Variants in MC2R observed in about 807,000 individuals in gnomAD.
MC2R encodes the protein melanocortin 2 receptor.
MC2R carries 9 observed loss-of-function variants against 9.8 expected under a neutral mutation model. The observed-to-expected ratio is 0.92, with a 90% CI of 0.55 to 1.60. MC2R has a LOEUF of 1.60. Among genes scored for constraint, MC2R ranks in the 40% most tolerant of loss-of-function variants. The pLI, the probability that MC2R is intolerant of heterozygous loss-of-function variation, is 0.00. For missense variants in MC2R, 370 were observed against 389.0 expected, an observed-to-expected ratio of 0.95 and a Z score of 0.41; for synonymous variants, 185 against 154.7, an observed-to-expected ratio of 1.20 and a Z score of -1.45.
At chr18:13,911,970 C>T (rs1908856873) in intron 1 of MC2R, among the ~76,000 whole-genome samples, 1 of 152,062 alleles carries the variant, frequency 6.6e-6, no homozygotes, top group African/African-American at 2.4e-5. Context: ...TGGTCACTTG[C>T]AAATTGGGGT....
rs528088175 is a variant in MC2R at position 13,912,316 on chromosome 18, G to A, written c.-129+3172C>T. 1.1e-4 allele frequency among the ~76,000 whole-genome samples: 16 copies of A among 152,268 alleles called. No homozygotes were observed. The South Asian group carries it at 1.7e-3, about 16-fold the overall frequency. On this transcript the variant is annotated intron_variant, in intron 1 of 1. Transcript: ENST00000327606. ...CTGCCTATATTATAGATAAGAAAAC[G>A]GAGGCTCAGGGAGGTTGGGTTACTT...
chr18:13,904,099 G>A (rs1178257038), intron 1 of MC2R, among the ~76,000 whole-genome samples: 3 of 151,702 alleles, frequency 2.0e-5, no homozygotes, highest in African/African-American at 7.3e-5. Context: ...AATAGGCCAG[G>A]CACGGTGGCT....
intron 1 of MC2R, among the ~76,000 whole-genome samples, chr18:13,893,184 T>C (rs1598462917): frequency 2.0e-5 from 3 of 152,332 alleles, no homozygotes; most frequent in African/African-American, 7.2e-5. Context: ...TCTTATTTGG[T>C]TGAATTCTGA....
At chr18:13,888,332 C>G (rs1369570319) in intron 1 of MC2R, among the ~76,000 whole-genome samples, 1 of 152,168 alleles carries the variant, frequency 6.6e-6, no homozygotes, top group Admixed American at 6.5e-5. Context: ...TGCTGCCAAG[C>G]TGGTGGTGGG....
chr18:13,888,233 G>A (rs1340600131), intron 1 of MC2R, among the ~76,000 whole-genome samples: 1 of 152,130 alleles, frequency 6.6e-6, no homozygotes, highest in Non-Finnish European at 1.5e-5. Context: ...AAATCCATGG[G>A]GAGCCCTGAA....
chr18:13,886,876 G>A (rs28926172), intron 1 of MC2R, among the ~76,000 whole-genome samples: 13,448 of 152,202 alleles, frequency 0.088, 951 homozygotes, highest in African/African-American at 0.19. Context: ...GTCTGGAAAG[G>A]AACTAATTAC....
chr18:13,894,747 C>CT (rs1197079675), intron 1 of MC2R, among the ~76,000 whole-genome samples: 2 of 152,242 alleles, frequency 1.3e-5, no homozygotes, highest in Non-Finnish European at 2.9e-5. Flanking sequence ...CTTATTGTCT[C>CT]TAAGATGCCT....
intron 1 of MC2R, among the ~76,000 whole-genome samples, chr18:13,902,272 A>G (rs1032356471): frequency 3.9e-5 from 6 of 152,120 alleles, no homozygotes; most frequent in African/African-American, 1.4e-4. Context: ...AGCTATACAC[A>G]ACATACCCAC....
intron 1 of MC2R, among the ~76,000 whole-genome samples, chr18:13,894,523 A>T (rs750431641): frequency 5.9e-5 from 9 of 152,226 alleles, no homozygotes; most frequent in Non-Finnish European, 1.3e-4. Context: ...TCTATGCGAT[A>T]ACGTATGTAA....
intron 1 of MC2R, among the ~76,000 whole-genome samples, chr18:13,892,648 G>A (rs999669773): frequency 6.6e-6 from 1 of 151,488 alleles, no homozygotes; most frequent in Non-Finnish European, 1.5e-5. Context: ...TTTTTCTTCA[G>A]ACAGGGTCAG....
intron 1 of MC2R, among the ~76,000 whole-genome samples, chr18:13,904,102 C>T (rs185658304): frequency 3.2e-4 from 48 of 151,598 alleles, no homozygotes; most frequent in Middle Eastern, 3.4e-3. Context: ...AGGCCAGGCA[C>T]GGTGGCTCAT....
chr18:13,912,811 A>C (rs542050159), intron 1 of MC2R, among the ~76,000 whole-genome samples: 35 of 152,342 alleles, frequency 2.3e-4, no homozygotes, highest in Admixed American at 1.9e-3. Flanking sequence ...TGCAGCCAGC[A>C]GAGCTCGCTA....
At chr18:13,908,556 G>T (rs1272390668) in intron 1 of MC2R, among the ~76,000 whole-genome samples, 1 of 151,890 alleles carries the variant, frequency 6.6e-6, no homozygotes, top group African/African-American at 2.4e-5. Flanking sequence ...GAGACTTTAG[G>T]GTGATAGATA....
chr18:13,895,613 A>G (rs2045341379), intron 1 of MC2R, among the ~76,000 whole-genome samples: 1 of 152,204 alleles, frequency 6.6e-6, no homozygotes. Context: ...ATGTCGAAAA[A>G]GAAAAAAAAG....
At position 13,883,783 on chromosome 18, in the gene MC2R, C is replaced by CT. The variant is rs1435302262; in HGVS notation, c.*841dup. 2.6e-5 allele frequency: 4 copies of CT among 152,150 alleles called. No homozygotes were observed. The highest frequency in any genetic ancestry group is 9.7e-5 in the African/African-American group (4 of 41,408). The allele number at this position is 152,150 out of a possible 1,614,324, so 9.4% of individuals were successfully genotyped here. ...CAAATAGTGACAATTTTCATCTGGC[C>CT]TTTATGTATTCCCACATGGGAACTA... On this transcript the variant is annotated 3_prime_UTR_variant, in exon 2 of 2. Coordinates refer to ENST00000327606, the MANE Select transcript of MC2R (RefSeq NM_000529.2).
intron 1 of MC2R, among the ~76,000 whole-genome samples, chr18:13,894,429 C>T (rs1258116102): frequency 6.6e-6 from 1 of 152,146 alleles, no homozygotes; most frequent in Non-Finnish European, 1.5e-5. Context: ...GTAGACCTCC[C>T]TAACTATGGT....
chr18:13,895,477 G>A (rs1332994596), intron 1 of MC2R, among the ~76,000 whole-genome samples: 1 of 152,160 alleles, frequency 6.6e-6, no homozygotes, highest in Non-Finnish European at 1.5e-5. Context: ...TCTCCAGGTG[G>A]TGAGGGCAGG....
intron 1 of MC2R, among the ~76,000 whole-genome samples, chr18:13,905,706 G>C (rs1237553400): frequency 6.6e-6 from 1 of 152,166 alleles, no homozygotes; most frequent in African/African-American, 2.4e-5. Context: ...CAAGGATCTA[G>C]AACTGGAAAT....
Position 13,884,973 on chromosome 18 carries a change from G to T in MC2R, c.546C>A (p.Phe182Leu). The change falls in exon 2 of 2, where the codon TTC becomes TTA. Residue 182 changes from phenylalanine (F) to leucine (L), a missense_variant. Coordinates refer to ENST00000327606, the MANE Select transcript of MC2R (RefSeq NM_000529.2). ...ACAGGATGAAGACCAGCATCAGCGG[G>T]AACAGCGACGTGAAGGTGATCACTG... Reference protein sequence around the residue: ...VPTVITFTSLFPLMLVFILCL... With the variant: ...VPTVITFTSLLPLMLVFILCL... 1.2e-6 allele frequency: 2 copies of T among 1,614,150 alleles called. No homozygotes were observed. Among genetic ancestry groups the T allele is most frequent in the Non-Finnish European group, 1.7e-6 (2 of 1,180,022 alleles).
Sources: allele counts gnomAD v4.1 joint callset (sites outside exome capture counted in the v4.1 genomes callset), GRCh38; gene constraint gnomAD v4.1.1; transcripts MANE v1.5; gene names NCBI Gene and HGNC (gene_info 2026-07-23, HGNC 2026-07-21).